CSMD1: variants seen among roughly 807,000 people sequenced by gnomAD.
CSMD1 encodes CUB and sushi domain-containing protein 1.
CSMD1 carries 213 observed loss-of-function variants against 417.5 expected under a neutral mutation model. That is an observed-to-expected ratio of 0.51 (90% CI 0.46 to 0.57). The LOEUF is 0.57. CSMD1 is among the 20% of genes least tolerant of loss of function. The pLI is 0.00. For missense variants in CSMD1, 6,923 were observed against 4,529.7 expected, an observed-to-expected ratio of 1.53 and a Z score of -15.17; for synonymous variants, 2,862 against 1,736.8, an observed-to-expected ratio of 1.65 and a Z score of -16.11.
chr8:3,527,475 C>G (rs1331977750), intron 10 of CSMD1, among the ~76,000 whole-genome samples: 2 of 152,074 alleles, frequency 1.3e-5, no homozygotes, highest in African/African-American at 4.8e-5. Context: ...TGGGATGTCA[C>G]TATGAAAAGG....
intron 12 of CSMD1, among the ~76,000 whole-genome samples, chr8:3,437,891 G>C (rs1039901950): frequency 2.6e-5 from 4 of 152,044 alleles, no homozygotes; most frequent in Admixed American, 6.6e-5. Context: ...GGGATTACAG[G>C]TGTGTGTCAC....
chr8:3,421,617 C>A (rs1563372105), intron 12 of CSMD1, among the ~76,000 whole-genome samples: 1 of 152,126 alleles, frequency 6.6e-6, no homozygotes, highest in East Asian at 1.9e-4. Context: ...CCCCAGATTT[C>A]TAAATTATAA....
chr8:3,582,605 C>A (rs760624498), intron 9 of CSMD1, among the ~76,000 whole-genome samples: 1 of 152,244 alleles, frequency 6.6e-6, no homozygotes, highest in African/African-American at 2.4e-5. Context: ...GCTAGCCACA[C>A]GTGGCTACTG....
chr8:4,056,314 C>T (rs538135111), intron 3 of CSMD1, among the ~76,000 whole-genome samples: 1 of 151,410 alleles, frequency 6.6e-6, no homozygotes, highest in African/African-American at 2.4e-5. Flanking sequence ...AACTCCTGAC[C>T]TTAGGTGATC....
chr8:3,521,737 T>C (rs1246326539), intron 10 of CSMD1, among the ~76,000 whole-genome samples: 4 of 152,236 alleles, frequency 2.6e-5, no homozygotes, highest in Admixed American at 1.3e-4. Flanking sequence ...GCCTCAAAGA[T>C]GTTAAGTAAA....
chr8:4,324,410 C>A (rs537333392), intron 3 of CSMD1, among the ~76,000 whole-genome samples: 1 of 152,272 alleles, frequency 6.6e-6, no homozygotes, highest in African/African-American at 2.4e-5. Flanking sequence ...GGTTCCTCAC[C>A]CTGGCAGGAA....
At chr8:3,499,468 T>C (rs570953943) in intron 10 of CSMD1, among the ~76,000 whole-genome samples, 36 of 152,148 alleles carry the variant, frequency 2.4e-4, no homozygotes, top group Non-Finnish European at 4.4e-4. Flanking sequence ...CTGGGGAGCA[T>C]GTGTGAGCAT....
chr8:3,201,565 C>A, intron 32 of CSMD1, 47 bp downstream of exon 32: 1 of 1,011,178 alleles, frequency 9.9e-7, no homozygotes, highest in Non-Finnish European at 1.5e-6. Flanking sequence ...AAATTAATCC[C>A]CCTAGCTGTC....
intron 31 of CSMD1, among the ~76,000 whole-genome samples, chr8:3,204,496 G>C (rs916495133): frequency 5.3e-5 from 8 of 152,052 alleles, no homozygotes; most frequent in African/African-American, 1.9e-4. Flanking sequence ...TTGGAATCCA[G>C]AACCCATTTT....
At chr8:4,081,706 A>G (rs2554640) in intron 3 of CSMD1, among the ~76,000 whole-genome samples, 111,546 of 152,114 alleles carry the variant, frequency 0.73, 41,496 homozygotes, top group South Asian at 0.83. Context: ...AAATTCTAAA[A>G]AGTATTTTCT....
intron 12 of CSMD1, among the ~76,000 whole-genome samples, chr8:3,449,468 C>G (rs1402040409): frequency 6.6e-6 from 1 of 151,942 alleles, no homozygotes; most frequent in African/African-American, 2.4e-5. Flanking sequence ...TTTTCTTATG[C>G]TATATTTTCT....
rs537624339 is a variant in CSMD1 at position 3,282,906 on chromosome 8, A to G, written c.4153+1238T>C. On this transcript the variant is annotated intron_variant, in intron 26 of 69. Transcript: ENST00000635120. ...ATTGAGTCTGAATGTGTTTGTGTGC[A>G]AATTCCACTTGTTTTATGATGATGG... 8.2e-4 allele frequency among the ~76,000 whole-genome samples: 125 copies of G among 152,302 alleles called. 2 individuals carry two copies. The South Asian group carries it at 0.025, about 30-fold the overall frequency.
At position 4,117,811 on chromosome 8, in the gene CSMD1, G is replaced by C. The variant is rs1048986644; in HGVS notation, c.416-85712C>G. Among the ~76,000 whole-genome samples, 3 of 151,988 alleles carry C rather than the reference G, an allele frequency of 2.0e-5. No homozygotes were observed. In the East Asian group the frequency reaches 5.8e-4, roughly 29 times the overall value. ...TGTCAGGCTCAGAACGTATCCTAGA[G>C]GACACCTAGTTAGAACATCTCACTT... On this transcript the variant is annotated intron_variant, in intron 3 of 69. Transcript: ENST00000635120.
At chr8:3,299,651 AGGAAAGGAATCCAG>A (rs754113585) in intron 25 of CSMD1, among the ~76,000 whole-genome samples, 1 of 152,190 alleles carries the variant, frequency 6.6e-6, no homozygotes, top group African/African-American at 2.4e-5. Flanking sequence ...AAGAGAAAGC[AGGAAAGGAATCCAG>A]GGAAAGGAGA....
intron 3 of CSMD1, among the ~76,000 whole-genome samples, chr8:4,306,248 C>A (rs993297478): frequency 6.6e-6 from 1 of 152,162 alleles, no homozygotes; most frequent in Non-Finnish European, 1.5e-5. Context: ...ACTAACAATA[C>A]GTGGTGGCAC....
intron 25 of CSMD1, among the ~76,000 whole-genome samples, chr8:3,305,730 A>C (rs1804785551): frequency 6.6e-6 from 1 of 152,176 alleles, no homozygotes; most frequent in South Asian, 2.1e-4. Flanking sequence ...CCCAGGTTGG[A>C]GTACAGTGGC....
intron 10 of CSMD1, among the ~76,000 whole-genome samples, chr8:3,533,400 C>T (rs1372388183): frequency 6.6e-6 from 1 of 152,174 alleles, no homozygotes; most frequent in African/African-American, 2.4e-5. Context: ...TCATTTCCCC[C>T]TCCCTGATAA....
intron 12 of CSMD1, among the ~76,000 whole-genome samples, chr8:3,413,484 G>C (rs1048703780): frequency 2.0e-5 from 3 of 152,192 alleles, no homozygotes; most frequent in African/African-American, 7.2e-5. Context: ...TCAGGCATTA[G>C]GGGTTGACAA....
chr8:3,309,264 G>A (rs1169178364), intron 23 of CSMD1, among the ~76,000 whole-genome samples: 1 of 152,044 alleles, frequency 6.6e-6, no homozygotes, highest in African/African-American at 2.4e-5. Flanking sequence ...CCATTGTCAA[G>A]ACCCGCCCAC....
Sources: allele counts gnomAD v4.1 joint callset (sites outside exome capture counted in the v4.1 genomes callset), GRCh38; gene constraint gnomAD v4.1.1; transcripts MANE v1.5; gene names NCBI Gene and HGNC (gene_info 2026-07-23, HGNC 2026-07-21).